CERKL: variants seen among roughly 807,000 people sequenced by gnomAD.
CERKL encodes the protein CERK like autophagy regulator.
In CERKL, 61 loss-of-function variants were observed where a neutral mutation model predicts 63.4. The observed-to-expected ratio is 0.96, with a 90% CI of 0.78 to 1.19. The LOEUF (loss-of-function observed/expected upper bound fraction) is 1.19, where lower values mean the gene tolerates loss of function less well. Ranked by LOEUF, CERKL falls within the 50% of genes most tolerant of loss-of-function variation. The pLI is 0.00. For synonymous variants in CERKL, 250 were observed against 230.5 expected (o/e 1.08, Z -0.77); for missense variants, 675 against 655.5 (o/e 1.03, Z -0.33).
intron 5 of CERKL, among the ~76,000 whole-genome samples, chr2:181,555,864 T>C (rs1258221894): frequency 6.6e-6 from 1 of 151,866 alleles, no homozygotes; most frequent in African/African-American, 2.4e-5. Context: ...GTTATTCTTC[T>C]GCCCCAGCTT....
At chr2:181,619,930 G>A (rs372730544) in intron 1 of CERKL, among the ~76,000 whole-genome samples, 2 of 152,174 alleles carry the variant, frequency 1.3e-5, no homozygotes, top group East Asian at 1.9e-4. Flanking sequence ...AGAGGTTAGA[G>A]AAAGAATAAA....
intron 1 of CERKL, among the ~76,000 whole-genome samples, chr2:181,607,675 G>T (rs547862960): frequency 6.6e-6 from 1 of 152,266 alleles, no homozygotes; most frequent in South Asian, 2.1e-4. Flanking sequence ...TTATGGCCAG[G>T]GTCCCCAAAA....
At chr2:181,600,816 A>C (rs1310964028) in intron 2 of CERKL, among the ~76,000 whole-genome samples, 3 of 152,164 alleles carry the variant, frequency 2.0e-5, no homozygotes, top group African/African-American at 7.2e-5. Context: ...AAAACTAACA[A>C]AGGTATACAC....
chr2:181,556,854 C>A (rs1163311578), intron 5 of CERKL, among the ~76,000 whole-genome samples: 1 of 152,116 alleles, frequency 6.6e-6, no homozygotes, highest in Non-Finnish European at 1.5e-5. Context: ...GTTTACAGTC[C>A]CACCAATAGT....
chr2:181,585,969 A>C (rs1684747129), intron 2 of CERKL, among the ~76,000 whole-genome samples: 1 of 152,178 alleles, frequency 6.6e-6, no homozygotes, highest in Non-Finnish European at 1.5e-5. Flanking sequence ...TCACAAGAGA[A>C]AGGAAAATGC....
chr2:181,567,871 C>G (rs1372354950), intron 3 of CERKL, among the ~76,000 whole-genome samples: 1 of 152,162 alleles, frequency 6.6e-6, no homozygotes, highest in East Asian at 1.9e-4. Context: ...GCCCTGGAAT[C>G]AGTGACAGCC....
chr2:181,579,488 G>C (rs1349071716), intron 2 of CERKL, among the ~76,000 whole-genome samples: 1 of 151,652 alleles, frequency 6.6e-6, no homozygotes, highest in African/African-American at 2.4e-5. Flanking sequence ...GTCAATTATG[G>C]CAGTACTTTA....
intron 5 of CERKL, among the ~76,000 whole-genome samples, chr2:181,551,702 T>A (rs890104638): frequency 6.6e-6 from 1 of 152,078 alleles, no homozygotes; most frequent in African/African-American, 2.4e-5. Flanking sequence ...ACTGTTGGTG[T>A]AATGAGATAT....
At chr2:181,565,573 T>A (rs1688631008) in intron 4 of CERKL, 2 of 1,178,966 alleles carry the variant, frequency 1.7e-6, no homozygotes, top group South Asian at 2.5e-5. Context: ...TATTTCTTAT[T>A]GTTTCTGGAA....
At position 181,539,088 on chromosome 2, in the gene CERKL, T is replaced by G; in HGVS notation, c.1538+4A>C. 6.4e-7 allele frequency: 1 copy of G among 1,571,672 alleles called. No homozygotes were observed. The highest frequency in any genetic ancestry group is 1.3e-5 in the African/African-American group (1 of 74,134). ...ACAATAAGCGGTGAAATAAATAGAC[T>G]TACCTAATATGGACCTCTGATGCAA... On this transcript the variant is annotated splice_donor_region_variant and intron_variant, in intron 12 of 12. Transcript: ENST00000410087.
At position 181,547,904 on chromosome 2, in the gene CERKL, C is replaced by T. The variant is rs1223251585; in HGVS notation, c.1134-57G>A. ...AACAGATAACGCGCGCACAGACACACAGACACACACAAATCTATTAAATAT... is the reference window on the plus strand; with the variant it reads ...AACAGATAACGCGCGCACAGACACATAGACACACACAAATCTATTAAATAT... On this transcript the variant is annotated intron_variant, in intron 8 of 12. Coordinates refer to ENST00000410087, the MANE Select transcript of CERKL (RefSeq NM_201548.5). 5 of 1,399,046 alleles carry T rather than the reference C, an allele frequency of 3.6e-6. No homozygotes were observed. The East Asian group carries it at 1.2e-4, about 33-fold the overall frequency. 86.7% of individuals were successfully genotyped at this position (1,399,046 alleles called of 1,614,324 possible).
intron 2 of CERKL, among the ~76,000 whole-genome samples, chr2:181,590,589 A>T (rs930079221): frequency 1.3e-5 from 2 of 152,198 alleles, no homozygotes; most frequent in Admixed American, 1.3e-4. Context: ...GAGGAGGAAA[A>T]AAAACCAAAA....
At chr2:181,641,241 ATAT>A (rs1292106333) in intron 1 of CERKL, among the ~76,000 whole-genome samples, 1 of 150,460 alleles carries the variant, frequency 6.6e-6, no homozygotes, top group Non-Finnish European at 1.5e-5. Flanking sequence ...CATAATAAAA[ATAT>A]TTTTTGTACA....
chr2:181,651,292 T>C (rs945191832), intron 1 of CERKL, among the ~76,000 whole-genome samples: 1 of 152,158 alleles, frequency 6.6e-6, no homozygotes, highest in African/African-American at 2.4e-5. Flanking sequence ...GCAAACCAAA[T>C]CCAACAGCAC....
At chr2:181,593,902 A>G (rs1685088473) in intron 2 of CERKL, among the ~76,000 whole-genome samples, 1 of 151,980 alleles carries the variant, frequency 6.6e-6, no homozygotes, top group East Asian at 1.9e-4. Context: ...TTTTTGAATC[A>G]GAAGGCCTGG....
At chr2:181,648,279 G>C (rs371053294) in intron 1 of CERKL, among the ~76,000 whole-genome samples, 3 of 152,024 alleles carry the variant, frequency 2.0e-5, no homozygotes, top group Non-Finnish European at 4.4e-5. Flanking sequence ...AAATCTGCAA[G>C]AGAAAAGCAT....
intron 1 of CERKL, among the ~76,000 whole-genome samples, chr2:181,627,337 A>G (rs1295534564): frequency 6.6e-6 from 1 of 152,228 alleles, no homozygotes; most frequent in African/African-American, 2.4e-5. Flanking sequence ...AGAAATTTAC[A>G]GGATACATTA....
At chr2:181,582,532 TA>T (rs1684562102) in intron 2 of CERKL, among the ~76,000 whole-genome samples, 1 of 148,100 alleles carries the variant, frequency 6.8e-6, no homozygotes, top group East Asian at 1.9e-4. Flanking sequence ...TATATATATA[TA>T]TATGTTTTTT....
intron 4 of CERKL, among the ~76,000 whole-genome samples, chr2:181,563,815 C>T (rs531570875): frequency 6.6e-6 from 1 of 152,076 alleles, no homozygotes; most frequent in African/African-American, 2.4e-5. Flanking sequence ...ATTCTAAGTA[C>T]AGTGACTTAA....
Sources: allele counts gnomAD v4.1 joint callset (sites outside exome capture counted in the v4.1 genomes callset), GRCh38; gene constraint gnomAD v4.1.1; transcripts MANE v1.5; gene names NCBI Gene and HGNC (gene_info 2026-07-23, HGNC 2026-07-21).